ABTB2: variants seen among roughly 807,000 people sequenced by gnomAD.
The protein encoded by ABTB2 is ankyrin repeat and BTB/POZ domain-containing protein 2.
ABTB2 carries 56 observed loss-of-function variants against 104.1 expected under a neutral mutation model. The ratio of observed to expected loss-of-function variants is 0.54; its 90% confidence interval spans 0.43 to 0.67. ABTB2 has a LOEUF of 0.67. Ranked by LOEUF, ABTB2 falls within the 30% of genes least tolerant of loss-of-function variation. The pLI, the probability that ABTB2 is intolerant of heterozygous loss-of-function variation, is 0.00. For synonymous variants in ABTB2, 606 were observed against 608.2 expected, an observed-to-expected ratio of 1.00 and a Z score of 0.05; for missense variants, 1,279 against 1,407.7, an observed-to-expected ratio of 0.91 and a Z score of 1.46.
At chr11:34,186,923 G>A (rs1853108383) in intron 3 of ABTB2, among the ~76,000 whole-genome samples, 1 of 152,178 alleles carries the variant, frequency 6.6e-6, no homozygotes, top group African/African-American at 2.4e-5. Context: ...CGGCTCCGGG[G>A]TCTCACCCTC....
intron 1 of ABTB2, among the ~76,000 whole-genome samples, chr11:34,324,225 CTTAG>C (rs1409880349): frequency 1.3e-5 from 2 of 151,970 alleles, no homozygotes; most frequent in Non-Finnish European, 2.9e-5. Context: ...TACATAAATT[CTTAG>C]TTAGTCCTCA....
At chr11:34,315,384 A>C (rs1025669865) in intron 1 of ABTB2, among the ~76,000 whole-genome samples, 4 of 152,204 alleles carry the variant, frequency 2.6e-5, no homozygotes, top group Non-Finnish European at 4.4e-5. Flanking sequence ...CCATCCTGAC[A>C]TGGGGCTCTG....
At chr11:34,345,387 T>C (rs1855318077) in intron 1 of ABTB2, among the ~76,000 whole-genome samples, 1 of 152,158 alleles carries the variant, frequency 6.6e-6, no homozygotes. Flanking sequence ...CCTGCCCTCC[T>C]TCAGGCCCCT....
At chr11:34,162,409 T>TGTA (rs905734217) in intron 10 of ABTB2, among the ~76,000 whole-genome samples, 167 bp downstream of exon 10, 1 of 152,172 alleles carries the variant, frequency 6.6e-6, no homozygotes, top group African/African-American at 2.4e-5. Flanking sequence ...GAACTGGCCG[T>TGTA]GTAGCAGGGG....
At chr11:34,335,369 G>T (rs1236080141) in intron 1 of ABTB2, 3 of 872,602 alleles carry the variant, frequency 3.4e-6, no homozygotes, top group Non-Finnish European at 5.9e-6. Flanking sequence ...AAAGAGTACA[G>T]CAAATTTCCT....
chr11:34,235,012 G>A (rs1490296470), intron 1 of ABTB2, among the ~76,000 whole-genome samples: 6 of 152,180 alleles, frequency 3.9e-5, no homozygotes, highest in East Asian at 1.9e-4. Flanking sequence ...CGCCCGCCAC[G>A]GCGCCTGGCT....
At chr11:34,298,865 AC>A (rs1251595023) in intron 1 of ABTB2, among the ~76,000 whole-genome samples, 1 of 152,242 alleles carries the variant, frequency 6.6e-6, no homozygotes, top group African/African-American at 2.4e-5. Context: ...CCTATGAACA[AC>A]TGGGCCTGCA....
At chr11:34,174,866 TC>T (rs1225314283) in intron 3 of ABTB2, among the ~76,000 whole-genome samples, 1 of 152,258 alleles carries the variant, frequency 6.6e-6, no homozygotes. Flanking sequence ...AAAGTCAGCC[TC>T]CCGGCTCCTG....
At chr11:34,177,961 C>G (rs1852977135) in intron 3 of ABTB2, among the ~76,000 whole-genome samples, 2 of 152,112 alleles carry the variant, frequency 1.3e-5, no homozygotes, top group Admixed American at 1.3e-4. Flanking sequence ...GGGAGCAGCT[C>G]CCCTAATGGG....
At chr11:34,297,281 C>T (rs1484836864) in intron 1 of ABTB2, among the ~76,000 whole-genome samples, 1 of 152,206 alleles carries the variant, frequency 6.6e-6, no homozygotes, top group East Asian at 1.9e-4. Context: ...CTCTCTCTCT[C>T]TCCAGTCTTC....
At chr11:34,248,119 A>C (rs1414747335) in intron 1 of ABTB2, among the ~76,000 whole-genome samples, 6 of 115,316 alleles carry the variant, frequency 5.2e-5, no homozygotes, top group South Asian at 5.5e-4. Flanking sequence ...AAAAAAAAAA[A>C]AAACAGGGTC....
At chr11:34,341,408 G>A (rs138308509) in intron 1 of ABTB2, among the ~76,000 whole-genome samples, 23 of 152,282 alleles carry the variant, frequency 1.5e-4, no homozygotes, top group African/African-American at 5.5e-4. Context: ...GGGAATGGTT[G>A]AAATTTTTAG....
chr11:34,343,006 G>A (rs1466651704), intron 1 of ABTB2, among the ~76,000 whole-genome samples: 1 of 151,848 alleles, frequency 6.6e-6, no homozygotes, highest in Non-Finnish European at 1.5e-5. Context: ...GTCTCACTCT[G>A]TCACCCAGGC....
At chr11:34,208,343 C>A (rs768152332) in intron 1 of ABTB2, among the ~76,000 whole-genome samples, 3 of 152,094 alleles carry the variant, frequency 2.0e-5, no homozygotes, top group Non-Finnish European at 4.4e-5. Context: ...AGAAAGCATG[C>A]GGGAACATTT....
At chr11:34,164,897 G>C in intron 8 of ABTB2, 76 bp from the exon 9 acceptor site, 1 of 1,527,912 alleles carries the variant, frequency 6.5e-7, no homozygotes, top group Non-Finnish European at 8.7e-7. Context: ...AGGGAAGGGA[G>C]AGCAGGATTC....
chr11:34,234,893 C>T (rs2611100), intron 1 of ABTB2, among the ~76,000 whole-genome samples: 152,130 of 152,282 alleles, frequency 1, 75,989 homozygotes, highest in Middle Eastern at 1. Context: ...AGTCTCGCTC[C>T]TTCGCCCAGG....
intron 2 of ABTB2, 100 bp downstream of exon 2, chr11:34,204,419 GGCACTTGGAGGAGGAGGAGGCCAGA>G (rs1033050277): frequency 3.7e-5 from 44 of 1,198,212 alleles, no homozygotes; most frequent in Non-Finnish European, 4.0e-5. Flanking sequence ...GGGAAGGCAA[GGCACTTGGAGGAGGAGGAGGCCAGA>G]GCACTTGGAG....
At chr11:34,296,986 C>T (rs1018812020) in intron 1 of ABTB2, among the ~76,000 whole-genome samples, 1 of 152,190 alleles carries the variant, frequency 6.6e-6, no homozygotes, top group Non-Finnish European at 1.5e-5. Context: ...GAGAAATTTA[C>T]CACCTATCCT....
intron 1 of ABTB2, among the ~76,000 whole-genome samples, chr11:34,263,160 C>A (rs1229176705): frequency 1.4e-4 from 22 of 151,996 alleles, no homozygotes; most frequent in Admixed American, 1.4e-3. Flanking sequence ...GTCCATCTCT[C>A]AAGAAATGCT....
Sources: gnomAD v4.1 joint callset for allele counts (sites outside exome capture counted in the v4.1 genomes callset) on GRCh38, gnomAD v4.1.1 for gene constraint, MANE v1.5 for transcripts, NCBI Gene and HGNC (gene_info 2026-07-23, HGNC 2026-07-21) for gene names.